CAMK4: variants seen among roughly 807,000 people sequenced by gnomAD.
CAMK4 encodes the protein calcium/calmodulin-dependent protein kinase type IV.
CAMK4 carries 22 observed loss-of-function variants against 44.9 expected under a neutral mutation model. The observed-to-expected ratio is 0.49, with a 90% confidence interval of 0.35 to 0.70. The LOEUF (loss-of-function observed/expected upper bound fraction) is 0.70. Among genes scored for constraint, CAMK4 ranks in the 30% least tolerant of loss-of-function variants. CAMK4 has a pLI of 0.01. For synonymous variants in CAMK4, 218 were observed against 215.4 expected (o/e 1.01, Z -0.11); for missense variants, 498 against 586.8 (o/e 0.85, Z 1.56).
At chr5:111,342,398 T>C (rs898585897) in intron 1 of CAMK4, among the ~76,000 whole-genome samples, 2 of 151,476 alleles carry the variant, frequency 1.3e-5, no homozygotes, top group African/African-American at 2.4e-5. Flanking sequence ...AAAATTTACT[T>C]AGTCTGATAT....
At chr5:111,415,470 G>A (rs937228013) in intron 5 of CAMK4, among the ~76,000 whole-genome samples, 2 of 152,186 alleles carry the variant, frequency 1.3e-5, no homozygotes, top group East Asian at 3.8e-4. Context: ...GTGAAAAGGT[G>A]ATCATTATTG....
At chr5:111,369,630 C>T (rs1158086726) in intron 2 of CAMK4, among the ~76,000 whole-genome samples, 1 of 151,978 alleles carries the variant, frequency 6.6e-6, no homozygotes, top group African/African-American at 2.4e-5. Context: ...CAATTGTTGC[C>T]ATTTGTTGTT....
At chr5:111,329,895 G>A (rs1749084868) in intron 1 of CAMK4, among the ~76,000 whole-genome samples, 1 of 151,668 alleles carries the variant, frequency 6.6e-6, no homozygotes, top group South Asian at 2.1e-4. Context: ...CATTTTTATT[G>A]ATGAAAAACT....
At chr5:111,404,515 A>G (rs1306628918) in intron 5 of CAMK4, among the ~76,000 whole-genome samples, 1 of 152,040 alleles carries the variant, frequency 6.6e-6, no homozygotes, top group Non-Finnish European at 1.5e-5. Flanking sequence ...AAAAAGAAAA[A>G]CCTTGTGGCA....
intron 1 of CAMK4, among the ~76,000 whole-genome samples, chr5:111,254,112 C>G (rs1441833955): frequency 6.6e-6 from 1 of 152,016 alleles, no homozygotes; most frequent in Non-Finnish European, 1.5e-5. Context: ...TTGATTATTC[C>G]CGCACATGGA....
intron 1 of CAMK4, among the ~76,000 whole-genome samples, chr5:111,289,110 G>A (rs1289741960): frequency 6.6e-6 from 1 of 152,162 alleles, no homozygotes; most frequent in East Asian, 1.9e-4. Context: ...ACTTTGGGAG[G>A]CTGAGATGGG....
rs1470051748 is a variant in CAMK4 at position 111,485,801 on chromosome 5, G to A, written c.*1335G>A. 6.6e-6 allele frequency: 1 copy of A among 152,050 alleles called. No individual in the cohort carries two copies. The highest frequency in any genetic ancestry group is 1.5e-5 in the Non-Finnish European group (1 of 67,976). The allele number at this position is 152,050 out of a possible 1,614,324, so 9.4% of individuals were successfully genotyped here. On this transcript the variant is annotated 3_prime_UTR_variant, in exon 11 of 11. Transcript: ENST00000282356. ...TGATATTTTATTATGATTTTTCCCA[G>A]AATAAGTTTAATTTCTCTTTGACTT... is the stretch of plus-strand genomic sequence containing the variant.
chr5:111,323,904 T>A lies in CAMK4; in HGVS notation c.162-20120T>A, dbSNP rs76854870. Among the ~76,000 whole-genome samples the A allele has an allele frequency of 5.4e-3, 818 of 152,200 alleles. 8 individuals carry two copies. Among genetic ancestry groups the A allele is most frequent in the African/African-American group, 0.019 (794 of 41,582 alleles). On this transcript the variant is annotated intron_variant, in intron 1 of 10. Transcript: ENST00000282356. ...CTATCTTTTAAGTCAATTGATCGTT[T>A]AAAGCAAAATCAAGTCCCTGAAGTA...
chr5:111,336,836 A>T (rs548803976), intron 1 of CAMK4, among the ~76,000 whole-genome samples: 14 of 150,800 alleles, frequency 9.3e-5, no homozygotes, highest in South Asian at 4.2e-4. Context: ...TCTTTTTTTT[A>T]AAATTTCACC....
At chr5:111,414,663 A>T (rs1015564424) in intron 5 of CAMK4, among the ~76,000 whole-genome samples, 74 of 152,218 alleles carry the variant, frequency 4.9e-4, no homozygotes, top group African/African-American at 1.8e-3. Flanking sequence ...GGATTGTAGA[A>T]GCAGTGAAAA....
At chr5:111,228,062 G>T (rs1175632149) in intron 1 of CAMK4, among the ~76,000 whole-genome samples, 4 of 152,154 alleles carry the variant, frequency 2.6e-5, no homozygotes, top group Non-Finnish European at 5.9e-5. Flanking sequence ...CTGCTTGGTG[G>T]TGCAGATTTC....
chr5:111,391,898 A>C (rs1458629998), intron 4 of CAMK4, among the ~76,000 whole-genome samples: 3 of 152,208 alleles, frequency 2.0e-5, no homozygotes, highest in Admixed American at 2.0e-4. Context: ...TCAGGTTGTC[A>C]TCAGATTTTT....
intron 1 of CAMK4, among the ~76,000 whole-genome samples, chr5:111,229,814 G>A (rs1026441968): frequency 3.9e-5 from 6 of 152,206 alleles, no homozygotes; most frequent in East Asian, 1.9e-4. Context: ...TTCTCAGGCA[G>A]TTGACTCAGG....
At chr5:111,366,667 A>G (rs1008950930) in intron 2 of CAMK4, among the ~76,000 whole-genome samples, 2 of 152,064 alleles carry the variant, frequency 1.3e-5, no homozygotes, top group African/African-American at 4.8e-5. Flanking sequence ...TCTGTGTTTC[A>G]TCAATCCCAT....
intron 1 of CAMK4, among the ~76,000 whole-genome samples, chr5:111,339,744 T>G (rs1463829531): frequency 6.6e-6 from 1 of 151,412 alleles, no homozygotes; most frequent in African/African-American, 2.4e-5. Flanking sequence ...TCGGAATTTT[T>G]TTTTACTTGT....
At chr5:111,480,092 C>T (rs757154882) in intron 9 of CAMK4, among the ~76,000 whole-genome samples, 3 of 152,090 alleles carry the variant, frequency 2.0e-5, no homozygotes, top group Non-Finnish European at 4.4e-5. Context: ...CCTGTGCCAT[C>T]ACTCACTTCA....
chr5:111,226,119 C>T (rs114227090), intron 1 of CAMK4, among the ~76,000 whole-genome samples: 2,081 of 152,232 alleles, frequency 0.014, 40 homozygotes, highest in African/African-American at 0.048. Flanking sequence ...GTGCCTGATG[C>T]TGCTGCAGGG....
chr5:111,380,143 GT>G (rs376949335), intron 4 of CAMK4, among the ~76,000 whole-genome samples: 1 of 152,008 alleles, frequency 6.6e-6, no homozygotes, highest in Non-Finnish European at 1.5e-5. Flanking sequence ...AAGTTTCGAA[GT>G]TTTTTTCCCT....
chr5:111,374,178 C>A (rs1751120726), intron 2 of CAMK4, among the ~76,000 whole-genome samples: 1 of 152,096 alleles, frequency 6.6e-6, no homozygotes, highest in Non-Finnish European at 1.5e-5. Flanking sequence ...ATTAACAGTC[C>A]TCTTCATAAC....
Sources: gnomAD v4.1 joint callset for allele counts (sites outside exome capture counted in the v4.1 genomes callset) on GRCh38, gnomAD v4.1.1 for gene constraint, MANE v1.5 for transcripts, NCBI Gene and HGNC (gene_info 2026-07-23, HGNC 2026-07-21) for gene names.